The following GRB10 variants were observed in gnomAD, a reference collection of about 807,000 sequenced individuals.
GRB10 encodes growth factor receptor bound protein 10.
GRB10 carries 20 observed loss-of-function variants against 80.9 expected under a neutral mutation model. The observed-to-expected ratio is 0.25, with a 90% CI of 0.17 to 0.36. The LOEUF (loss-of-function observed/expected upper bound fraction) is 0.36. Ranked by LOEUF, GRB10 falls within the 10% of genes least tolerant of loss-of-function variation. GRB10 has a pLI of 1.00. For synonymous variants in GRB10, 291 were observed against 291.5 expected, an observed-to-expected ratio of 1.00 and a Z score of 0.02; for missense variants, 548 against 747.7, an observed-to-expected ratio of 0.73 and a Z score of 3.12.
At chr7:50,650,635 CCT>C (rs887028186) in intron 7 of GRB10, among the ~76,000 whole-genome samples, 4 of 152,116 alleles carry the variant, frequency 2.6e-5, no homozygotes, top group East Asian at 1.9e-4. Context: ...GATGTGTTCC[CCT>C]GTTTGGGTGG....
chr7:50,787,752 G>A (rs1385193824), upstream of GRB10, among the ~76,000 whole-genome samples: 2 of 152,200 alleles, frequency 1.3e-5, no homozygotes, highest in Non-Finnish European at 2.9e-5. Flanking sequence ...GACACTCAAC[G>A]TTCTCCTCTC....
chr7:50,607,824 C>G (rs909540436), intron 13 of GRB10, among the ~76,000 whole-genome samples: 2 of 152,282 alleles, frequency 1.3e-5, no homozygotes, highest in African/African-American at 2.4e-5. Flanking sequence ...TCATACACAT[C>G]CAGCATCCCA....
At chr7:50,704,479 A>G (rs62448802) in intron 4 of GRB10, among the ~76,000 whole-genome samples, 12 of 152,248 alleles carry the variant, frequency 7.9e-5, no homozygotes, top group Non-Finnish European at 1.5e-4. Flanking sequence ...AGCCAATGAA[A>G]GATACATTCA....
At chr7:50,761,113 T>C (rs984691143) in intron 2 of GRB10, among the ~76,000 whole-genome samples, 2 of 152,188 alleles carry the variant, frequency 1.3e-5, no homozygotes, top group African/African-American at 2.4e-5. Context: ...ATTTTACAGA[T>C]GCAGAAACCA....
At chr7:50,726,859 T>G (rs1331599951) in intron 4 of GRB10, 1 of 152,198 alleles carries the variant, frequency 6.6e-6, no homozygotes, top group Non-Finnish European at 1.5e-5. Context: ...AAACTTGTTC[T>G]CCTCAGTCTC....
intron 2 of GRB10, among the ~76,000 whole-genome samples, chr7:50,758,684 G>A (rs1431141791): frequency 6.6e-6 from 1 of 152,124 alleles, no homozygotes; most frequent in Non-Finnish European, 1.5e-5. Context: ...AATACTTTTA[G>A]TTAAACAAAA....
rs545413672 is a variant in GRB10, at chr7:50,764,495, T to C, written c.-216-8439A>G. Among the ~76,000 whole-genome samples the C allele has an allele frequency of 1.9e-3, 287 of 152,290 alleles. 1 individual carries two copies. The highest frequency in any genetic ancestry group is 6.7e-3 in the African/African-American group (278 of 41,554). On this transcript the variant is annotated intron_variant, in intron 2 of 18. Transcript: ENST00000401949. ...GCCTGGACAGGAGCCGACTTAAATA[T>C]AGTAGAGCACAGTACTCCTCCAGCA...
chr7:50,759,172 G>A (rs548317107), intron 2 of GRB10, among the ~76,000 whole-genome samples: 17 of 142,718 alleles, frequency 1.2e-4, no homozygotes, highest in African/African-American at 4.1e-4. Context: ...CAGCCTGGGT[G>A]ACAGAGTGAG....
intron 4 of GRB10, 92 bp downstream of exon 4, chr7:50,732,180 A>T: frequency 7.5e-7 from 1 of 1,332,470 alleles, no homozygotes; most frequent in Non-Finnish European, 1.1e-6. Flanking sequence ...CCTGAGAGCT[A>T]CAGAAACGAT....
intron 5 of GRB10, among the ~76,000 whole-genome samples, chr7:50,696,802 C>A (rs2063478208): frequency 6.6e-6 from 1 of 152,132 alleles, no homozygotes; most frequent in Non-Finnish European, 1.5e-5. Context: ...CCAGCAATTC[C>A]ACTTCTAGAT....
chr7:50,609,413 T>G (rs1177706164), intron 13 of GRB10, among the ~76,000 whole-genome samples: 6 of 152,258 alleles, frequency 3.9e-5, no homozygotes, highest in Non-Finnish European at 7.3e-5. Flanking sequence ...TATTTTATAA[T>G]GTCTTAGAAT....
chr7:50,639,932 G>T (rs1432745181), intron 7 of GRB10, among the ~76,000 whole-genome samples: 7 of 152,100 alleles, frequency 4.6e-5, no homozygotes, highest in Admixed American at 4.6e-4. Flanking sequence ...GAATCATTTT[G>T]TCAAAAATAA....
At chr7:50,679,971 T>C (rs2061374256) in intron 5 of GRB10, among the ~76,000 whole-genome samples, 1 of 152,270 alleles carries the variant, frequency 6.6e-6, no homozygotes, top group East Asian at 1.9e-4. Flanking sequence ...TCTATTCTCA[T>C]GTATTCTAGT....
At chr7:50,746,681 C>T (rs1056660945) in intron 3 of GRB10, among the ~76,000 whole-genome samples, 29 of 152,156 alleles carry the variant, frequency 1.9e-4, no homozygotes, top group Non-Finnish European at 1.0e-4. Flanking sequence ...GGCTTTTTGC[C>T]TACTGCCCTA....
intron 2 of GRB10, among the ~76,000 whole-genome samples, chr7:50,768,607 A>G (rs1342161957): frequency 6.6e-6 from 1 of 152,204 alleles, no homozygotes; most frequent in African/African-American, 2.4e-5. Context: ...CATGCTCCCT[A>G]ATCTGGTTTC....
At chr7:50,742,186 T>C (rs747966290) in intron 3 of GRB10, among the ~76,000 whole-genome samples, 17 of 152,232 alleles carry the variant, frequency 1.1e-4, no homozygotes, top group South Asian at 6.2e-4. Context: ...GAAAGAAAGA[T>C]TCTGAAGCAC....
chr7:50,732,196 G>T, intron 4 of GRB10, 76 bp downstream of exon 4: 1 of 1,450,344 alleles, frequency 6.9e-7, no homozygotes, highest in Non-Finnish European at 9.7e-7. Flanking sequence ...ACGATCCATG[G>T]CTGCTGGCGA....
intron 7 of GRB10, among the ~76,000 whole-genome samples, chr7:50,666,317 C>T (rs1340699286): frequency 6.6e-6 from 1 of 152,178 alleles, no homozygotes; most frequent in Non-Finnish European, 1.5e-5. Flanking sequence ...TGTAGGGGCT[C>T]AAGGTGAGCG....
chr7:50,754,846 A>C (rs1381973322), intron 3 of GRB10, among the ~76,000 whole-genome samples: 2 of 152,198 alleles, frequency 1.3e-5, no homozygotes, highest in African/African-American at 4.8e-5. Context: ...CTGTATTTGG[A>C]AACAGAGCCT....
Sources: gnomAD v4.1 joint callset for allele counts (sites outside exome capture counted in the v4.1 genomes callset) on GRCh38, gnomAD v4.1.1 for gene constraint, MANE v1.5 for transcripts, NCBI Gene and HGNC (gene_info 2026-07-23, HGNC 2026-07-21) for gene names.